The following RPH3AL variants were observed in gnomAD, a reference collection of about 807,000 sequenced individuals.
RPH3AL encodes rab effector Noc2.
RPH3AL carries 38 observed loss-of-function variants against 43.1 expected under a neutral mutation model. The observed-to-expected ratio is 0.88, with a 90% CI of 0.68 to 1.15. The LOEUF (loss-of-function observed/expected upper bound fraction) is 1.15. Among genes scored for constraint, RPH3AL ranks in the 50% most tolerant of loss-of-function variants. The probability of loss-of-function intolerance (pLI) is 0.00; values close to 1 mark genes in which losing one functional copy is unlikely to be tolerated. For missense variants in RPH3AL, 462 were observed against 423.2 expected (o/e 1.09, Z -0.81); for synonymous variants, 189 against 176.3 (o/e 1.07, Z -0.57).
chr17:323,163 G>A lies in RPH3AL; in HGVS notation c.78-1748C>T, dbSNP rs569422170. Among the ~76,000 whole-genome samples the A allele has an allele frequency of 3.9e-5, 6 of 152,050 alleles. No individual in the cohort carries two copies. Among genetic ancestry groups the A allele is most frequent in the East Asian group, 3.9e-4 (2 of 5,190 alleles). On this transcript the variant is annotated intron_variant, in intron 3 of 9. Coordinates refer to ENST00000331302, the MANE Select transcript of RPH3AL (RefSeq NM_006987.4). The surrounding 1 kb of genome is among the most constrained non-coding windows in gnomAD (Gnocchi z 4.4). Reference sequence around the variant, plus strand: ...TGCTTCCCCATGGAAGGAGGGAGGCGGGTTCAGGCAGAGGAGATCACACAC... The same window carrying A: ...TGCTTCCCCATGGAAGGAGGGAGGCAGGTTCAGGCAGAGGAGATCACACAC...
intron 5 of RPH3AL, among the ~76,000 whole-genome samples, chr17:304,205 A>C (rs112330329): frequency 8.0e-6 from 1 of 124,690 alleles, no homozygotes; most frequent in Non-Finnish European, 1.6e-5. Flanking sequence ...ATAATTATTG[A>C]GCAGTGACCG....
intron 5 of RPH3AL, among the ~76,000 whole-genome samples, chr17:314,603 G>T: frequency 6.8e-6 from 1 of 147,240 alleles, no homozygotes; most frequent in Non-Finnish European, 1.5e-5. Flanking sequence ...CACCTCCACT[G>T]ACCTGTAGTC....
At position 219,815 on chromosome 17, in the gene RPH3AL, G is replaced by C; in HGVS notation, c.614-79C>G. 3 of 1,032,972 alleles carry C rather than the reference G, an allele frequency of 2.9e-6. No homozygotes were observed. In the Admixed American group the frequency reaches 5.1e-5, roughly 18 times the overall value. The allele number at this position is 1,032,972 out of a possible 1,614,324, so 64.0% of individuals were successfully genotyped here. On this transcript the variant is annotated intron_variant, in intron 7 of 9. Transcript: ENST00000331302. ...GGCATGGACGGAGGGACGAGGGCAGGCCTCCCCAGCTCATTACCACGTGGC... is the reference window on the plus strand; with the variant it reads ...GGCATGGACGGAGGGACGAGGGCAGCCCTCCCCAGCTCATTACCACGTGGC...
chr17:315,538 ACCTCCATTGACCTGTAGTCCCTGTG>A (rs1402445726), intron 5 of RPH3AL, among the ~76,000 whole-genome samples: 10 of 135,676 alleles, frequency 7.4e-5, no homozygotes, highest in African/African-American at 1.2e-4. Flanking sequence ...CTGTGCTCCC[ACCTCCATTGACCTGTAGTCCCTGTG>A]CCCCACCTCC....
rs533376917 is a variant in RPH3AL, at chr17:328,382, C to G, written c.-36-803G>C. Among the ~76,000 whole-genome samples, 1 of 151,916 alleles carries G rather than the reference C, an allele frequency of 6.6e-6. No individual in the cohort carries two copies. Among genetic ancestry groups the G allele is most frequent in the South Asian group, 2.1e-4 (1 of 4,804 alleles). ...TGAATCCCAGAGCAAGGAGGAGGGG[C>G]TCTCCTGAGCCATCCACACTCTCCT... On this transcript the variant is annotated intron_variant, in intron 2 of 9. Coordinates refer to ENST00000331302, the MANE Select transcript of RPH3AL (RefSeq NM_006987.4). The surrounding 1 kb of genome is among the most constrained non-coding windows in gnomAD (Gnocchi z 4.2).
chr17:329,349 G>A (rs1200129056), intron 2 of RPH3AL, among the ~76,000 whole-genome samples: 1 of 152,158 alleles, frequency 6.6e-6, no homozygotes. Context: ...GGTGGCGAGT[G>A]CCTGTAATCC....
chr17:250,663 G>A (rs141631177), intron 6 of RPH3AL, among the ~76,000 whole-genome samples: 15,666 of 148,044 alleles, frequency 0.11, 907 homozygotes, highest in Non-Finnish European at 0.14. Flanking sequence ...CCATCGCTGC[G>A]GGACCTCTCA....
chr17:262,421 C>A (rs369840297), intron 6 of RPH3AL, among the ~76,000 whole-genome samples: 56 of 152,170 alleles, frequency 3.7e-4, no homozygotes, highest in Middle Eastern at 3.4e-3. Flanking sequence ...TCACCATGTT[C>A]GCCGGGCTGG....
intron 7 of RPH3AL, among the ~76,000 whole-genome samples, chr17:237,257 C>T (rs977485533): frequency 6.6e-6 from 1 of 152,368 alleles, no homozygotes; most frequent in African/African-American, 2.4e-5. Context: ...ATCTGTCTAA[C>T]ATCAAGTGAG....
chr17:277,677 A>T (rs1332025983), intron 6 of RPH3AL, among the ~76,000 whole-genome samples: 1 of 152,170 alleles, frequency 6.6e-6, no homozygotes, highest in African/African-American at 2.4e-5. Flanking sequence ...AGTCTTGGCC[A>T]GGTGTAGTGG....
intron 5 of RPH3AL, among the ~76,000 whole-genome samples, chr17:312,026 G>A (rs970274554): frequency 2.0e-5 from 3 of 152,150 alleles, no homozygotes; most frequent in East Asian, 1.9e-4. Context: ...GGGAGAGGCC[G>A]GGTGCTGTGG....
chr17:243,333 TG>T (rs1251884729), intron 7 of RPH3AL, among the ~76,000 whole-genome samples: 1 of 144,058 alleles, frequency 6.9e-6, no homozygotes, highest in Admixed American at 6.8e-5. Context: ...CTCTACTGAT[TG>T]CCCCTCCTCT....
intron 6 of RPH3AL, among the ~76,000 whole-genome samples, chr17:265,581 G>C (rs1275118835): frequency 1.3e-5 from 2 of 152,018 alleles, no homozygotes; most frequent in Non-Finnish European, 2.9e-5. Context: ...TCCCTCCCTT[G>C]TGCTCTGTTT....
At chr17:280,912 A>C (rs969675171) in intron 6 of RPH3AL, among the ~76,000 whole-genome samples, 2 of 152,150 alleles carry the variant, frequency 1.3e-5, no homozygotes, top group African/African-American at 4.8e-5. Context: ...TGTTTTGTGG[A>C]TCCTCGGATG....
chr17:307,976 T>C (rs1279485083), intron 5 of RPH3AL, among the ~76,000 whole-genome samples: 1 of 152,214 alleles, frequency 6.6e-6, no homozygotes, highest in African/African-American at 2.4e-5. Context: ...AGTCCATTCC[T>C]GCCAGACAGC....
chr17:240,551 G>A (rs950626996), intron 7 of RPH3AL, among the ~76,000 whole-genome samples: 2 of 152,074 alleles, frequency 1.3e-5, no homozygotes, highest in African/African-American at 4.8e-5. Context: ...CACACAACAC[G>A]CGGCCTTTCG....
At chr17:232,853 T>C (rs1330971798) in intron 7 of RPH3AL, among the ~76,000 whole-genome samples, 1 of 116,728 alleles carries the variant, frequency 8.6e-6, no homozygotes, top group Non-Finnish European at 2.1e-5. Context: ...TGTGTGTGTG[T>C]GTGTGTGTGT....
In RPH3AL at chr17:290,926, GA is replaced by G; in HGVS notation, c.352-9073del. On this transcript the variant is annotated intron_variant, in intron 5 of 9. Transcript: ENST00000331302. The surrounding 1 kb of genome is among the most constrained non-coding windows in gnomAD (Gnocchi z 4.2). ...GGCTGTTCATGAGCCTCACTCGACC[GA>G]AAAGGGTGAAACTGCGCTCAAACGT... is the stretch of plus-strand genomic sequence containing the variant. Among the ~76,000 whole-genome samples the G allele has an allele frequency of 1.3e-5, 2 of 152,206 alleles. No individual in the cohort carries two copies. The highest frequency in any genetic ancestry group is 4.2e-4 in the South Asian group (2 of 4,810).
chr17:324,525 C>G (rs554231278), intron 3 of RPH3AL, among the ~76,000 whole-genome samples: 2 of 152,310 alleles, frequency 1.3e-5, no homozygotes, highest in African/African-American at 4.8e-5. Context: ...GTTCCCCGCA[C>G]GGCGCCCTCG....
Sources: allele counts gnomAD v4.1 joint callset (sites outside exome capture counted in the v4.1 genomes callset), GRCh38; gene constraint gnomAD v4.1.1; non-coding constraint Gnocchi (gnomAD v3.1); transcripts MANE v1.5; gene names NCBI Gene and HGNC (gene_info 2026-07-23, HGNC 2026-07-21).